Variants in KLHL1 observed in about 807,000 individuals in gnomAD.
KLHL1 encodes the protein kelch like family member 1, also known as kelch-like protein 1.
A neutral mutation model predicts 77.7 loss-of-function variants in KLHL1; 47 were observed. The observed-to-expected ratio is 0.60, with a 90% CI of 0.48 to 0.77. The LOEUF (loss-of-function observed/expected upper bound fraction) is 0.77. KLHL1 is among the 30% of genes least tolerant of loss of function. The pLI, the probability that KLHL1 is intolerant of heterozygous loss-of-function variation, is 0.00. For synonymous variants in KLHL1, 360 were observed against 325.2 expected (o/e 1.11, Z -1.15); for missense variants, 925 against 910.8 (o/e 1.02, Z -0.20).
chr13:69,969,901 G>A (rs139076708), intron 2 of KLHL1, among the ~76,000 whole-genome samples: 5 of 149,540 alleles, frequency 3.3e-5, no homozygotes, highest in East Asian at 2.0e-4. Context: ...CTCTTATTGA[G>A]GTCACTACAA....
intron 7 of KLHL1, among the ~76,000 whole-genome samples, chr13:69,765,299 T>A (rs191660546): frequency 5.9e-5 from 9 of 152,188 alleles, no homozygotes; most frequent in South Asian, 2.1e-4. Context: ...CATTAATACA[T>A]TTATATACTT....
intron 5 of KLHL1, among the ~76,000 whole-genome samples, chr13:69,851,316 A>C (rs1451073547): frequency 1.3e-5 from 2 of 151,748 alleles, no homozygotes; most frequent in Non-Finnish European, 1.5e-5. Context: ...TCTTTTACAA[A>C]ATTATTTCTG....
intron 5 of KLHL1, among the ~76,000 whole-genome samples, chr13:69,861,785 T>TAAAAAAAAAAAA (rs34408474): frequency 4.0e-4 from 34 of 85,990 alleles, no homozygotes; most frequent in Non-Finnish European, 5.0e-4. Context: ...CCGTCTCTAC[T>TAAAAAAAAAAAA]AAAAAAAAAA....
At chr13:69,750,636 T>C (rs993227165) in intron 7 of KLHL1, among the ~76,000 whole-genome samples, 2 of 151,966 alleles carry the variant, frequency 1.3e-5, no homozygotes, top group Non-Finnish European at 2.9e-5. Context: ...GTAAGTACTA[T>C]GGAAATATTA....
intron 3 of KLHL1, among the ~76,000 whole-genome samples, chr13:69,944,411 T>G (rs1210316592): frequency 6.6e-6 from 1 of 152,206 alleles, no homozygotes; most frequent in African/African-American, 2.4e-5. Flanking sequence ...CATAGGTAGT[T>G]TACCTTTTCT....
chr13:69,765,652 T>C (rs1875266099), intron 7 of KLHL1, among the ~76,000 whole-genome samples: 2 of 152,206 alleles, frequency 1.3e-5, no homozygotes, highest in African/African-American at 4.8e-5. Flanking sequence ...GCTGGCTATA[T>C]AGCCATACAG....
intron 1 of KLHL1, among the ~76,000 whole-genome samples, chr13:70,035,026 T>C (rs767679942): frequency 6.6e-6 from 1 of 151,988 alleles, no homozygotes; most frequent in Non-Finnish European, 1.5e-5. Flanking sequence ...TATAGAATAA[T>C]TAAGCACACT....
intron 5 of KLHL1, among the ~76,000 whole-genome samples, chr13:69,846,074 TACAAG>T (rs1041802565): frequency 1.1e-4 from 17 of 151,474 alleles, no homozygotes; most frequent in African/African-American, 4.1e-4. Flanking sequence ...ACTTCTATCA[TACAAG>T]ACAACAAACT....
At chr13:69,867,447 C>T (rs1489475676) in intron 5 of KLHL1, among the ~76,000 whole-genome samples, 1 of 151,964 alleles carries the variant, frequency 6.6e-6, no homozygotes. Context: ...AAGCTATATG[C>T]AGCCATGTCC....
Position 69,719,494 on chromosome 13 carries a change from A to G in KLHL1, c.1890T>C (p.Cys630=), listed in dbSNP as rs146957152. Residue 630 remains cysteine (C), a synonymous_variant, in exon 9 of 11, where the codon TGT becomes TGC. Coordinates refer to ENST00000377844, the MANE Select transcript of KLHL1 (RefSeq NM_020866.3). The part of the protein sequence containing the change: ...YDPHTNKWNM[C]APMCKRRGGV... ...CCCCTCTCCTCTTACACATGGGAGC[A>G]CACATGTTCCACTTATTTGTATGAG... The G allele has an allele frequency of 1.9e-6, 3 of 1,612,960 alleles. No individual in the cohort carries two copies. Among genetic ancestry groups the G allele is most frequent in the Middle Eastern group, 1.6e-4 (1 of 6,084 alleles).
chr13:69,817,872 AC>A (rs1445563400), intron 6 of KLHL1, among the ~76,000 whole-genome samples: 4 of 152,190 alleles, frequency 2.6e-5, no homozygotes, highest in African/African-American at 9.7e-5. Flanking sequence ...CTGCATTCAT[AC>A]AGTCTTCATT....
intron 1 of KLHL1, among the ~76,000 whole-genome samples, chr13:69,996,424 A>T (rs571110522): frequency 3.9e-5 from 6 of 152,156 alleles, no homozygotes; most frequent in Non-Finnish European, 8.8e-5. Flanking sequence ...CAATAACTAG[A>T]TTATCACTAA....
chr13:69,835,849 A>C (rs74090483), intron 6 of KLHL1, among the ~76,000 whole-genome samples: 2,827 of 152,180 alleles, frequency 0.019, 84 homozygotes, highest in African/African-American at 0.064. Context: ...AGAACATTAA[A>C]ATTCATAAAT....
At chr13:69,909,993 A>G (rs749964812) in intron 4 of KLHL1, among the ~76,000 whole-genome samples, 8 of 152,048 alleles carry the variant, frequency 5.3e-5, no homozygotes, top group Non-Finnish European at 1.5e-5. Context: ...ACTGTCTAAA[A>G]TGTTTTTCAG....
At position 69,801,860 on chromosome 13, in the gene KLHL1, CTTTTTA is replaced by C. The variant is rs932973374; in HGVS notation, c.1415-4904_1415-4899del. On this transcript the variant is annotated intron_variant, in intron 6 of 10. Coordinates refer to ENST00000377844, the MANE Select transcript of KLHL1 (RefSeq NM_020866.3). ...TCCTACAATGCCCATTGATTATTTT[CTTTTTA>C]TTATTTTTTAATTTTACTTTAAGTT... 9.2e-5 allele frequency among the ~76,000 whole-genome samples: 14 copies of C among 152,102 alleles called. No individual in the cohort carries two copies. The East Asian group carries it at 2.3e-3, about 25-fold the overall frequency.
intron 5 of KLHL1, among the ~76,000 whole-genome samples, chr13:69,866,403 G>A (rs1325568287): frequency 1.3e-5 from 2 of 151,930 alleles, no homozygotes; most frequent in Admixed American, 6.6e-5. Flanking sequence ...CATCAATTTA[G>A]GATCATTTAC....
At chr13:70,068,045 TA>T (rs11383566) in intron 1 of KLHL1, among the ~76,000 whole-genome samples, 235 of 141,322 alleles carry the variant, frequency 1.7e-3, no homozygotes, top group Middle Eastern at 3.7e-3. Flanking sequence ...TTAGTATAAG[TA>T]AAAAAAAAAA....
intron 1 of KLHL1, among the ~76,000 whole-genome samples, chr13:70,034,912 A>G (rs546604342): frequency 2.1e-4 from 32 of 152,250 alleles, no homozygotes; most frequent in Non-Finnish European, 3.2e-4. Context: ...AAATGTTACA[A>G]TAGGGTCATG....
chr13:69,815,737 G>A (rs565267247), intron 6 of KLHL1, among the ~76,000 whole-genome samples: 1 of 152,014 alleles, frequency 6.6e-6, no homozygotes, highest in African/African-American at 2.4e-5. Context: ...AAATGAACTG[G>A]AATATTAAAA....
Sources: allele counts gnomAD v4.1 joint callset (sites outside exome capture counted in the v4.1 genomes callset), GRCh38; gene constraint gnomAD v4.1.1; transcripts MANE v1.5; gene names NCBI Gene and HGNC (gene_info 2026-07-23, HGNC 2026-07-21).